ZFHX3: variants seen among roughly 807,000 people sequenced by gnomAD.
The protein encoded by ZFHX3 is zinc finger homeobox 3, also known as zinc finger homeobox protein 3.
ZFHX3 carries 42 observed loss-of-function variants against 279.1 expected under a neutral mutation model. That is an observed-to-expected ratio of 0.15 (90% CI 0.12 to 0.19). The LOEUF is 0.19. Among genes scored for constraint, ZFHX3 ranks in the 10% least tolerant of loss-of-function variants. The probability of loss-of-function intolerance (pLI) is 1.00; values close to 1 mark genes in which losing one functional copy is unlikely to be tolerated. For synonymous variants in ZFHX3, 2,293 were observed against 1,957.8 expected (o/e 1.17, Z -4.52); for missense variants, 4,981 against 4,754.0 (o/e 1.05, Z -1.40).
At chr16:73,016,238 T>C (rs1964098589) in intron 1 of ZFHX3, among the ~76,000 whole-genome samples, 1 of 152,230 alleles carries the variant, frequency 6.6e-6, no homozygotes, top group Non-Finnish European at 1.5e-5. Flanking sequence ...GTGTTAACAA[T>C]TAACCTGAAG....
intron 2 of ZFHX3, among the ~76,000 whole-genome samples, chr16:73,641,305 G>A (rs778459738): frequency 3.3e-5 from 5 of 152,024 alleles, no homozygotes; most frequent in East Asian, 3.9e-4. Flanking sequence ...AGAGGAAATG[G>A]GGCTTTCAAG....
At chr16:73,284,387 C>T (rs1001614293) in intron 4 of ZFHX3, among the ~76,000 whole-genome samples, 5 of 148,696 alleles carry the variant, frequency 3.4e-5, no homozygotes, top group Admixed American at 1.3e-4. Flanking sequence ...AGATGACTAA[C>T]GCTAACATTT....
chr16:73,251,908 C>CAT (rs1314678752), intron 5 of ZFHX3, among the ~76,000 whole-genome samples: 32 of 128,040 alleles, frequency 2.5e-4, no homozygotes, highest in African/African-American at 9.3e-4. Context: ...TGCACACACA[C>CAT]ACACCACACA....
intron 5 of ZFHX3, among the ~76,000 whole-genome samples, chr16:73,204,970 A>T (rs764831703): frequency 2.0e-5 from 3 of 152,160 alleles, no homozygotes; most frequent in Admixed American, 1.3e-4. Flanking sequence ...AAGGGAGCCT[A>T]ATCTTACTAC....
chr16:72,872,384 T>TTACTTTCA (rs1567557631), intron 4 of ZFHX3, among the ~76,000 whole-genome samples: 1 of 152,150 alleles, frequency 6.6e-6, no homozygotes, highest in Non-Finnish European at 1.5e-5. Flanking sequence ...TACTCAGAAT[T>TTACTTTCA]CAACATGTGA....
At chr16:73,192,880 A>G (rs1968073489) in intron 5 of ZFHX3, among the ~76,000 whole-genome samples, 1 of 152,182 alleles carries the variant, frequency 6.6e-6, no homozygotes, top group Non-Finnish European at 1.5e-5. Flanking sequence ...AGGGAAGAGC[A>G]AATGGTGGGG....
intron 1 of ZFHX3, among the ~76,000 whole-genome samples, chr16:73,835,179 A>G (rs920177314): frequency 1.3e-5 from 2 of 152,144 alleles, no homozygotes; most frequent in African/African-American, 2.4e-5. Context: ...GTACTCCCCA[A>G]AGAGGGTGCC....
At chr16:73,279,161 A>C (rs749022822) in intron 4 of ZFHX3, among the ~76,000 whole-genome samples, 25 of 152,024 alleles carry the variant, frequency 1.6e-4, no homozygotes, top group Non-Finnish European at 3.2e-4. Context: ...TTTTGCACAA[A>C]TTTTAAGCTA....
intron 7 of ZFHX3, chr16:73,099,294 T>A (rs1187371260): frequency 1.3e-5 from 2 of 152,248 alleles, no homozygotes; most frequent in Non-Finnish European, 2.9e-5. Context: ...AATGTGAATT[T>A]AAAAAATAAT....
At chr16:73,298,732 TG>T (rs1369608079) in intron 4 of ZFHX3, among the ~76,000 whole-genome samples, 1 of 152,088 alleles carries the variant, frequency 6.6e-6, no homozygotes, top group Non-Finnish European at 1.5e-5. Flanking sequence ...TAGACAGGCA[TG>T]GGGGCAGGGA....
chr16:73,777,830 G>A (rs1959309518), intron 1 of ZFHX3, among the ~76,000 whole-genome samples: 1 of 152,146 alleles, frequency 6.6e-6, no homozygotes. Context: ...GCCAACAACT[G>A]CAAGAATCAG....
At chr16:73,816,942 T>C (rs1238768735) in intron 1 of ZFHX3, among the ~76,000 whole-genome samples, 2 of 152,206 alleles carry the variant, frequency 1.3e-5, no homozygotes, top group Non-Finnish European at 2.9e-5. Flanking sequence ...GTTGCAGTTT[T>C]AGCACAGTTT....
rs112260567 is a variant in ZFHX3 at position 73,762,824 on chromosome 16, T to C, written c.-1607-82584A>G. 9.2e-5 allele frequency among the ~76,000 whole-genome samples: 14 copies of C among 152,054 alleles called. 2 individuals are homozygous for C. The highest frequency in any genetic ancestry group is 2.7e-4 in the African/African-American group (11 of 41,474). ...GGGAATGACACAGATTGGGGCCTGA[T>C]GGAGTGGAGCAGAGAGAGGGAGAAC... On this transcript the variant is annotated intron_variant, in intron 1 of 17. Coordinates refer to the ZFHX3 transcript ENST00000641206.
intron 8 of ZFHX3, among the ~76,000 whole-genome samples, chr16:73,091,798 C>G (rs1966086182): frequency 6.6e-6 from 1 of 152,176 alleles, no homozygotes; most frequent in Non-Finnish European, 1.5e-5. Flanking sequence ...ATCACTGTAG[C>G]TGAAAACCCT....
At chr16:73,208,898 G>T (rs2011904911) in intron 5 of ZFHX3, among the ~76,000 whole-genome samples, 1 of 152,192 alleles carries the variant, frequency 6.6e-6, no homozygotes, top group South Asian at 2.1e-4. Flanking sequence ...GAAATGCCAC[G>T]TGGCAGTAAC....
chr16:73,484,467 G>A (rs1597353781), intron 2 of ZFHX3, among the ~76,000 whole-genome samples: 1 of 152,172 alleles, frequency 6.6e-6, no homozygotes. Context: ...GTCCCTGGGA[G>A]CTGGGTGCCT....
In ZFHX3 at chr16:72,926,282, G is replaced by C. The variant is rs140247824; in HGVS notation, c.3216+24187C>G. Among the ~76,000 whole-genome samples, 25 of 152,224 alleles carry C rather than the reference G, an allele frequency of 1.6e-4. No individual in the cohort carries two copies. The East Asian group carries it at 4.6e-3, about 28-fold the overall frequency. On this transcript the variant is annotated intron_variant, in intron 3 of 9. Coordinates refer to ENST00000268489, the MANE Select transcript of ZFHX3 (RefSeq NM_006885.4). ...CAACTAAACAGTTCCCCTAAGCAAT[G>C]TGTATTTTTGCGTCTCTGTCTCTCT...
intron 3 of ZFHX3, among the ~76,000 whole-genome samples, chr16:72,904,722 G>C (rs973848628): frequency 6.6e-6 from 1 of 152,092 alleles, no homozygotes; most frequent in Non-Finnish European, 1.5e-5. Flanking sequence ...TGGCACCTGC[G>C]CCTGGAAGGC....
Position 72,959,875 on chromosome 16 carries a change from G to T in ZFHX3, c.271C>A (p.Leu91Ile). The change falls in exon 2 of 10, where the codon CTC becomes ATC. Residue 91 changes from leucine to isoleucine, a missense_variant. Physicochemically the swap from Leu to Ile is conservative, Grantham distance 5. Transcript: ENST00000268489. Reference sequence around the variant, plus strand: ...CAGTGGTGCTCCATGTAGGTCTGGAGGCTGGCAAAGGAGGCCGAACATTCG... The same window carrying T: ...CAGTGGTGCTCCATGTAGGTCTGGATGCTGGCAAAGGAGGCCGAACATTCG... ...CNECSASFAS[L>I]QTYMEHHCPS... is the part of the protein sequence containing the mutation. The T allele has an allele frequency of 6.2e-7, 1 of 1,603,300 alleles. No homozygotes were observed. Among genetic ancestry groups the T allele is most frequent in the Non-Finnish European group, 8.5e-7 (1 of 1,173,758 alleles).
Sources: allele counts gnomAD v4.1 joint callset (sites outside exome capture counted in the v4.1 genomes callset), GRCh38; gene constraint gnomAD v4.1.1; transcripts MANE v1.5; gene names NCBI Gene and HGNC (gene_info 2026-07-23, HGNC 2026-07-21).